The following CAMK2A variants were observed in gnomAD, a reference collection of about 807,000 sequenced individuals.
CAMK2A encodes calcium/calmodulin-dependent protein kinase type II subunit alpha.
A neutral mutation model predicts 79.2 loss-of-function variants in CAMK2A; 7 were observed. That is an observed-to-expected ratio of 0.09 (90% CI 0.05 to 0.17). The LOEUF is 0.17. Ranked by LOEUF, CAMK2A falls within the 10% of genes least tolerant of loss-of-function variation. The pLI is 1.00. For synonymous variants in CAMK2A, 242 were observed against 251.7 expected (o/e 0.96, Z 0.36); for missense variants, 214 against 646.4 (o/e 0.33, Z 7.25).
chr5:150,241,207 C>T (rs1258420698), intron 13 of CAMK2A, among the ~76,000 whole-genome samples: 1 of 152,220 alleles, frequency 6.6e-6, no homozygotes, highest in Non-Finnish European at 1.5e-5. Flanking sequence ...TGCCCGTGTG[C>T]TCACAGGGGC....
rs189361089 is a variant in CAMK2A, at chr5:150,280,302, G to T, written c.63-7143C>A. 3.0e-3 allele frequency among the ~76,000 whole-genome samples: 456 copies of T among 152,254 alleles called. 3 individuals are homozygous for T. The highest frequency in any genetic ancestry group is 4.2e-3 in the Non-Finnish European group (287 of 68,022). On this transcript the variant is annotated intron_variant, in intron 1 of 18. Coordinates refer to ENST00000671881, the MANE Select transcript of CAMK2A (RefSeq NM_015981.4). The stretch of plus-strand genomic sequence containing the variant: ...AACACTTCCCTCCACTCTGTTCTCC[G>T]TGGGGGTCTGATTGTCTGGGCCCCT...
intron 16 of CAMK2A, among the ~76,000 whole-genome samples, chr5:150,229,425 T>G (rs1457541692): frequency 2.0e-5 from 3 of 152,160 alleles, no homozygotes; most frequent in Non-Finnish European, 4.4e-5. Flanking sequence ...GGCACCTGGG[T>G]GTTCCTGCCT....
intron 2 of CAMK2A, among the ~76,000 whole-genome samples, chr5:150,265,687 A>T (rs1189990437): frequency 6.6e-6 from 1 of 152,108 alleles, no homozygotes; most frequent in East Asian, 1.9e-4. Context: ...CACACCTATA[A>T]TCCCAATACA....
At chr5:150,233,576 C>T (rs758051338) in intron 15 of CAMK2A, among the ~76,000 whole-genome samples, 29 of 152,230 alleles carry the variant, frequency 1.9e-4, no homozygotes, top group African/African-American at 5.3e-4. Context: ...TCAATACATA[C>T]GTGTTGAGTG....
chr5:150,248,431 A>G (rs1220896675), intron 11 of CAMK2A, among the ~76,000 whole-genome samples: 1 of 149,710 alleles, frequency 6.7e-6, no homozygotes, highest in Non-Finnish European at 1.5e-5. Context: ...GGTGTGCTGC[A>G]CCCATTAACT....
At chr5:150,244,630 T>C (rs1755481632) in intron 13 of CAMK2A, among the ~76,000 whole-genome samples, 3 of 151,872 alleles carry the variant, frequency 2.0e-5, no homozygotes, top group African/African-American at 7.3e-5. Flanking sequence ...CGGGAGGGGA[T>C]TTTGGAACTG....
intron 12 of CAMK2A, among the ~76,000 whole-genome samples, chr5:150,246,359 C>G (rs1025072153): frequency 6.6e-6 from 1 of 152,176 alleles, no homozygotes; most frequent in African/African-American, 2.4e-5. Context: ...AGGGGGAGTG[C>G]TTTCTCCTCG....
At chr5:150,289,849 A>C, upstream of CAMK2A, 6 of 528,034 alleles carry the variant, frequency 1.1e-5, no homozygotes, top group African/African-American at 1.9e-5. Flanking sequence ...CCACCTCCAA[A>C]ACGCCCTGTT....
intron 17 of CAMK2A, among the ~76,000 whole-genome samples, chr5:150,225,836 C>G: frequency 6.6e-6 from 1 of 152,130 alleles, no homozygotes; most frequent in Non-Finnish European, 1.5e-5. Context: ...CTTGTGCCTC[C>G]CAGGTTCAAG....
In CAMK2A at chr5:150,244,464, C is replaced by T. The variant is rs557386491; in HGVS notation, c.984+697G>A. Among the ~76,000 whole-genome samples, 13 of 152,302 alleles carry T rather than the reference C, an allele frequency of 8.5e-5. No homozygotes were observed. The South Asian group carries it at 2.5e-3, about 29-fold the overall frequency. On this transcript the variant is annotated intron_variant, in intron 13 of 18. Coordinates refer to ENST00000671881, the MANE Select transcript of CAMK2A (RefSeq NM_015981.4). ...GCAGGGTCTCAAGAGAGGATAAGAT[C>T]GAGTGGCAGAGGAGGAGGGAACTGC...
intron 11 of CAMK2A, 33 bp downstream of exon 11, chr5:150,250,193 T>C (rs754793336): frequency 2.6e-6 from 4 of 1,528,548 alleles, no homozygotes; most frequent in South Asian, 1.1e-5. Context: ...GCTAGTCCCA[T>C]GGCCAGGACT....
chr5:150,242,810 A>G (rs1755407027), intron 13 of CAMK2A, among the ~76,000 whole-genome samples: 1 of 152,176 alleles, frequency 6.6e-6, no homozygotes, highest in South Asian at 2.1e-4. Flanking sequence ...GGAGCAAGAC[A>G]TGGCAGGCCA....
At chr5:150,285,817 A>T (rs1380956077) in intron 1 of CAMK2A, among the ~76,000 whole-genome samples, 1 of 151,982 alleles carries the variant, frequency 6.6e-6, no homozygotes, top group Non-Finnish European at 1.5e-5. Flanking sequence ...GACTCTTCCT[A>T]TACAGCCCAG....
intron 3 of CAMK2A, among the ~76,000 whole-genome samples, chr5:150,261,210 A>G (rs1756291569): frequency 6.7e-6 from 1 of 149,994 alleles, no homozygotes; most frequent in Admixed American, 6.6e-5. Flanking sequence ...CAAGGGGCAC[A>G]TGGGTTGGAA....
chr5:150,272,971 G>T, intron 2 of CAMK2A, 94 bp downstream of exon 2: 1 of 928,654 alleles, frequency 1.1e-6, no homozygotes, highest in Non-Finnish European at 1.8e-6. Flanking sequence ...TCACCCAGGG[G>T]CTCAGCCCTG....
chr5:150,238,183 G>A (rs1193389929), intron 15 of CAMK2A: 1 of 158,166 alleles, frequency 6.3e-6, no homozygotes, highest in African/African-American at 2.4e-5. Context: ...AGGTGCAGTG[G>A]CTCATGCCTG....
intron 1 of CAMK2A, among the ~76,000 whole-genome samples, chr5:150,277,408 A>T (rs952112930): frequency 2.0e-5 from 3 of 152,118 alleles, no homozygotes; most frequent in African/African-American, 7.2e-5. Context: ...ATCAGCACTG[A>T]TGGGGGCCAG....
chr5:150,245,454 T>C (rs1755527673), intron 12 of CAMK2A: 1 of 531,388 alleles, frequency 1.9e-6, no homozygotes, highest in Admixed American at 3.4e-5. Context: ...CTTCATGGGT[T>C]GAGGGAGGTG....
At chr5:150,259,365 C>T (rs1252185946) in intron 3 of CAMK2A, among the ~76,000 whole-genome samples, 2 of 151,686 alleles carry the variant, frequency 1.3e-5, no homozygotes, top group Non-Finnish European at 1.5e-5. Flanking sequence ...ACAAACAATA[C>T]AAAAATTAGT....
Sources: gnomAD v4.1 joint callset for allele counts (sites outside exome capture counted in the v4.1 genomes callset) on GRCh38, gnomAD v4.1.1 for gene constraint, MANE v1.5 for transcripts, NCBI Gene and HGNC (gene_info 2026-07-23, HGNC 2026-07-21) for gene names.